The following DAB1 variants were observed in gnomAD, a reference collection of about 807,000 sequenced individuals.
DAB1 encodes the protein disabled homolog 1.
A neutral mutation model predicts 64.6 loss-of-function variants in DAB1; 15 were observed. That is an observed-to-expected ratio of 0.23 (90% CI 0.16 to 0.36). The LOEUF is 0.36. DAB1 is among the 10% of genes least tolerant of loss of function. DAB1 has a pLI of 1.00. For missense variants in DAB1, 596 were observed against 706.7 expected (o/e 0.84, Z 1.78); for synonymous variants, 235 against 251.9 (o/e 0.93, Z 0.64).
chr1:58,172,570 TG>T (rs1656235421), intron 4 of DAB1, among the ~76,000 whole-genome samples: 1 of 152,216 alleles, frequency 6.6e-6, no homozygotes, highest in South Asian at 2.1e-4. Context: ...TCCCAGAGGA[TG>T]GGGAACCAAT....
At chr1:57,048,537 C>T (rs887214750) in intron 9 of DAB1, among the ~76,000 whole-genome samples, 8 of 152,280 alleles carry the variant, frequency 5.3e-5, no homozygotes, top group Middle Eastern at 6.8e-3. Context: ...ACCTGAAAAA[C>T]GTCCTCGTCT....
chr1:57,177,418 T>C (rs1261021701), intron 2 of DAB1, among the ~76,000 whole-genome samples: 3 of 152,218 alleles, frequency 2.0e-5, no homozygotes, highest in Middle Eastern at 3.4e-3. Context: ...GGCTCCAACC[T>C]GAGAAACTAG....
chr1:57,005,523 T>C (rs923882203), intron 14 of DAB1, among the ~76,000 whole-genome samples: 1 of 152,270 alleles, frequency 6.6e-6, no homozygotes, highest in African/African-American at 2.4e-5. Context: ...ATTTGGGGAT[T>C]GGTTCCATGC....
intron 7 of DAB1, among the ~76,000 whole-genome samples, chr1:57,445,195 A>G (rs985997088): frequency 6.6e-6 from 1 of 152,116 alleles, no homozygotes; most frequent in Non-Finnish European, 1.5e-5. Flanking sequence ...ATTTATTAAC[A>G]TACTGAAATG....
rs1184272713 is a variant in DAB1 at position 58,411,518 on chromosome 1, A to G, written n.258-68115T>C. Among the ~76,000 whole-genome samples, 3 of 152,326 alleles carry G rather than the reference A, an allele frequency of 2.0e-5. No homozygotes were observed. The East Asian group carries it at 5.8e-4, about 29-fold the overall frequency. ...CTCTAATCCATTTGGGGTGGTGGTCAGGGAAGGCTTCCTAGAGGCAGTGAC... is the reference window on the plus strand; with the variant it reads ...CTCTAATCCATTTGGGGTGGTGGTCGGGGAAGGCTTCCTAGAGGCAGTGAC... On this transcript the variant is annotated intron_variant and non_coding_transcript_variant, in intron 3 of 20. Transcript: ENST00000485760.
At chr1:57,565,207 C>A (rs547977741) in intron 7 of DAB1, among the ~76,000 whole-genome samples, 143 of 152,226 alleles carry the variant, frequency 9.4e-4, no homozygotes, top group African/African-American at 3.4e-3. Flanking sequence ...AAAATCCTTT[C>A]CAGACAAGCA....
At chr1:57,379,530 C>G (rs186048507) in intron 1 of DAB1, among the ~76,000 whole-genome samples, 30 of 152,250 alleles carry the variant, frequency 2.0e-4, no homozygotes, top group African/African-American at 7.0e-4. Flanking sequence ...GGTAAATTTT[C>G]CCCATCAGGT....
intron 1 of DAB1, among the ~76,000 whole-genome samples, chr1:57,373,025 AAT>A (rs1680622029): frequency 6.6e-6 from 1 of 150,854 alleles, no homozygotes. Context: ...AAAAAAAAAA[AAT>A]CCAAAAATTA....
chr1:58,245,447 G>A (rs1466454952), intron 4 of DAB1, among the ~76,000 whole-genome samples: 1 of 152,162 alleles, frequency 6.6e-6, no homozygotes, highest in Admixed American at 6.5e-5. Flanking sequence ...CTAATTGGAA[G>A]GGCAACTGTT....
At chr1:58,002,548 C>T (rs1412619737) in intron 5 of DAB1, among the ~76,000 whole-genome samples, 1 of 152,120 alleles carries the variant, frequency 6.6e-6, no homozygotes, top group Non-Finnish European at 1.5e-5. Context: ...GGCTCTTTAT[C>T]TGTGAGGTTC....
At chr1:57,814,942 G>C (rs1008395003) in intron 6 of DAB1, among the ~76,000 whole-genome samples, 2 of 152,176 alleles carry the variant, frequency 1.3e-5, no homozygotes, top group Non-Finnish European at 2.9e-5. Flanking sequence ...AGGGCTGTTT[G>C]AGGCTACGAT....
Position 57,914,237 on chromosome 1 carries a change from C to A in DAB1, n.388-30075G>T, listed in dbSNP as rs537253042. On this transcript the variant is annotated intron_variant and non_coding_transcript_variant, in intron 5 of 20. Transcript: ENST00000485760. ...TAGACTGGATTAAGAAAATGTGGCACATATACACATGGAATACTATGCAGC... is the reference window on the plus strand; with the variant it reads ...TAGACTGGATTAAGAAAATGTGGCAAATATACACATGGAATACTATGCAGC... Among the ~76,000 whole-genome samples, 304 of 152,192 alleles carry A rather than the reference C, an allele frequency of 2.0e-3. 1 individual carries two copies. Among genetic ancestry groups the A allele is most frequent in the Non-Finnish European group, 3.6e-3 (242 of 68,014 alleles).
chr1:58,436,186 A>C (rs1644942445), intron 3 of DAB1, among the ~76,000 whole-genome samples: 1 of 152,178 alleles, frequency 6.6e-6, no homozygotes, highest in East Asian at 1.9e-4. Flanking sequence ...GAAGGAGGCT[A>C]GTAATATCTG....
At chr1:57,636,541 C>T (rs754984310) in intron 7 of DAB1, among the ~76,000 whole-genome samples, 1 of 152,100 alleles carries the variant, frequency 6.6e-6, no homozygotes, top group African/African-American at 2.4e-5. Context: ...AGATGAACAG[C>T]GATAGTGGCT....
At chr1:58,126,713 G>T (rs1360312515) in intron 5 of DAB1, among the ~76,000 whole-genome samples, 7 of 151,142 alleles carry the variant, frequency 4.6e-5, no homozygotes, top group Non-Finnish European at 1.0e-4. Context: ...GCGGTGTTTG[G>T]TTTTTTGTTC....
intron 5 of DAB1, among the ~76,000 whole-genome samples, chr1:58,066,088 G>T (rs905908623): frequency 8.5e-5 from 13 of 152,212 alleles, no homozygotes. Context: ...GAATCTCTGA[G>T]GCAGTGACAA....
At chr1:58,142,805 G>A (rs374085490) in intron 5 of DAB1, among the ~76,000 whole-genome samples, 1 of 152,142 alleles carries the variant, frequency 6.6e-6, no homozygotes, top group South Asian at 2.1e-4. Context: ...TGCATTAATT[G>A]CTCCCTTCTC....
chr1:58,075,061 C>A (rs1557639277), intron 5 of DAB1, among the ~76,000 whole-genome samples: 1 of 152,190 alleles, frequency 6.6e-6, no homozygotes, highest in African/African-American at 2.4e-5. Flanking sequence ...ATCCAGCTTG[C>A]ATAACTTTAT....
intron 6 of DAB1, among the ~76,000 whole-genome samples, chr1:57,729,683 C>T (rs1420180077): frequency 6.6e-6 from 1 of 152,216 alleles, no homozygotes; most frequent in African/African-American, 2.4e-5. Flanking sequence ...TTATCCCTGC[C>T]TGTATTATTT....
Sources: allele counts gnomAD v4.1 joint callset (sites outside exome capture counted in the v4.1 genomes callset), GRCh38; gene constraint gnomAD v4.1.1; transcripts MANE v1.5; gene names NCBI Gene and HGNC (gene_info 2026-07-23, HGNC 2026-07-21).